The following DNAI7 variants were observed in gnomAD, a reference collection of about 807,000 sequenced individuals.
DNAI7 encodes cancer susceptibility 1.
A neutral mutation model predicts 86.6 loss-of-function variants in DNAI7; 78 were observed. The observed-to-expected ratio is 0.90, with a 90% CI of 0.75 to 1.09. DNAI7 has a LOEUF of 1.09. Ranked by LOEUF, DNAI7 falls within the 50% of genes least tolerant of loss-of-function variation. DNAI7 has a pLI of 0.00. For synonymous variants in DNAI7, 274 were observed against 273.0 expected, an observed-to-expected ratio of 1.00 and a Z score of -0.04; for missense variants, 753 against 810.2, an observed-to-expected ratio of 0.93 and a Z score of 0.86.
At chr12:25,156,301 A>C (rs1946166871) in intron 4 of DNAI7, among the ~76,000 whole-genome samples, 1 of 152,238 alleles carries the variant, frequency 6.6e-6, no homozygotes. Context: ...CTAATTTGGT[A>C]GACATTCTCT....
chr12:25,111,385 G>A (rs1938787036), intron 14 of DNAI7, among the ~76,000 whole-genome samples: 1 of 152,202 alleles, frequency 6.6e-6, no homozygotes, highest in South Asian at 2.1e-4. Context: ...AGTGGGTTTT[G>A]TACATTGGTG....
intron 2 of DNAI7, chr12:25,185,845 A>ATCT: frequency 3.4e-6 from 2 of 592,548 alleles, no homozygotes; most frequent in Non-Finnish European, 4.2e-6. Context: ...CCTTTTGCCC[A>ATCT]TTCATTACAG....
chr12:25,157,777 G>T (rs1243958136), intron 4 of DNAI7, among the ~76,000 whole-genome samples: 2 of 151,894 alleles, frequency 1.3e-5, no homozygotes, highest in Non-Finnish European at 2.9e-5. Flanking sequence ...TGATCTAAAA[G>T]ATTCTAGTGA....
chr12:25,169,847 CAAAAAAAAA>C (rs1173396136), intron 2 of DNAI7, among the ~76,000 whole-genome samples: 1 of 66,710 alleles, frequency 1.5e-5, no homozygotes, highest in Non-Finnish European at 3.8e-5. Context: ...GACTCTGTCT[CAAAAAAAAA>C]AAAAAAAAGA....
intron 12 of DNAI7, among the ~76,000 whole-genome samples, chr12:25,118,120 G>C (rs1940538530): frequency 6.6e-6 from 1 of 151,870 alleles, no homozygotes; most frequent in Non-Finnish European, 1.5e-5. Flanking sequence ...TTTTAGTAGA[G>C]ATGGGGTTTC....
chr12:25,131,944 C>G (rs570599442), intron 9 of DNAI7, among the ~76,000 whole-genome samples: 1 of 152,172 alleles, frequency 6.6e-6, no homozygotes, highest in South Asian at 2.1e-4. Context: ...AATAATTAAA[C>G]AGAATGACAA....
intron 2 of DNAI7, among the ~76,000 whole-genome samples, chr12:25,182,767 T>G (rs1949652674): frequency 6.6e-6 from 1 of 151,336 alleles, no homozygotes; most frequent in African/African-American, 2.4e-5. Flanking sequence ...TAAAAAAAAT[T>G]TTTTTAATTA....
rs1176443392 is a variant in DNAI7 at position 25,108,452 on chromosome 12, A to AAAT, written c.*93_*95dup. ...TAGAAAATTTTTAATAGTTGATTTG[A>AAAT]AATGTATTCATTCACTCATTACATT... is the stretch of plus-strand genomic sequence containing the variant. On this transcript the variant is annotated 3_prime_UTR_variant, in exon 16 of 16. Coordinates refer to ENST00000395987, the MANE Select transcript of DNAI7 (RefSeq NM_018272.5). 3 of 1,012,086 alleles carry AAAT rather than the reference A, an allele frequency of 3.0e-6. No homozygotes were observed. The African/African-American group carries it at 4.9e-5, about 17-fold the overall frequency. The allele number at this position is 1,012,086 out of a possible 1,614,324, so 62.7% of individuals were successfully genotyped here.
Position 25,112,044 on chromosome 12 carries a change from T to G in DNAI7, c.1612-105A>C, listed in dbSNP as rs941313453. On this transcript the variant is annotated intron_variant, in intron 13 of 15. Coordinates refer to ENST00000395987, the MANE Select transcript of DNAI7 (RefSeq NM_018272.5). ...GCTTTATACATTTTTAAAAGTCATC[T>G]ATCACTCTATATTAGAAAGAATGCA... 8.1e-6 allele frequency: 5 copies of G among 614,508 alleles called. No homozygotes were observed. In the African/African-American group the frequency reaches 9.3e-5, roughly 11 times the overall value. 38.1% of individuals were successfully genotyped at this position (614,508 alleles called of 1,614,324 possible). A position where few individuals can be genotyped will look rare whatever the true frequency, so the allele number is the denominator to read the frequency against.
intron 2 of DNAI7, among the ~76,000 whole-genome samples, chr12:25,164,370 CTCTT>C (rs202013009): frequency 0.059 from 8,945 of 152,184 alleles, 352 homozygotes; most frequent in Non-Finnish European, 0.089. Flanking sequence ...TCTCTACTCT[CTCTT>C]TTCTCTGGGC....
At chr12:25,154,546 C>A (rs1289114458) in intron 5 of DNAI7, 90 bp from the exon 6 acceptor site, 14 of 1,303,988 alleles carry the variant, frequency 1.1e-5, no homozygotes, top group Non-Finnish European at 1.5e-5. Flanking sequence ...TTTTTATAAC[C>A]TAGTTTAACC....
chr12:25,127,132 C>A (rs1057219950), intron 9 of DNAI7, among the ~76,000 whole-genome samples: 3 of 152,168 alleles, frequency 2.0e-5, no homozygotes, highest in Admixed American at 6.5e-5. Context: ...TAGAAGGATG[C>A]AGTGAGTCAA....
intron 8 of DNAI7, 127 bp from the exon 9 acceptor site, chr12:25,144,804 T>C (rs752008921): frequency 8.4e-6 from 6 of 712,200 alleles, no homozygotes; most frequent in Non-Finnish European, 1.4e-5. Context: ...TGATCATATG[T>C]GCTTTCTTTG....
intron 2 of DNAI7, among the ~76,000 whole-genome samples, chr12:25,182,053 A>G (rs1320352298): frequency 6.6e-6 from 1 of 150,814 alleles, no homozygotes; most frequent in African/African-American, 2.4e-5. Context: ...TTTTTTTCAA[A>G]GAGACACCTG....
intron 2 of DNAI7, among the ~76,000 whole-genome samples, chr12:25,179,311 T>A (rs34102768): frequency 1.3e-5 from 2 of 152,272 alleles, no homozygotes; most frequent in Admixed American, 1.3e-4. Context: ...TGGGGGAAAA[T>A]GTTTGCGTGC....
At chr12:25,184,977 A>AG (rs1949899803) in intron 2 of DNAI7, among the ~76,000 whole-genome samples, 1 of 150,848 alleles carries the variant, frequency 6.6e-6, no homozygotes, top group South Asian at 2.1e-4. Flanking sequence ...AAAAAAAAAA[A>AG]AAAAAAGAAA....
At chr12:25,160,931 CT>C in intron 3 of DNAI7, 181 bp downstream of exon 3, 1 of 465,192 alleles carries the variant, frequency 2.1e-6, no homozygotes, top group South Asian at 3.4e-5. Flanking sequence ...CAATATATAT[CT>C]GAAAGAGACT....
intron 14 of DNAI7, 85 bp downstream of exon 14, chr12:25,111,687 T>C (rs1027049402): frequency 1.5e-6 from 1 of 688,926 alleles, no homozygotes; most frequent in Non-Finnish European, 2.1e-6. Flanking sequence ...AAATACAGTG[T>C]ATATAATATT....
chr12:25,160,625 GCGCCAGGGATAAGAA>G (rs1022809474), intron 3 of DNAI7, among the ~76,000 whole-genome samples: 7 of 152,194 alleles, frequency 4.6e-5, no homozygotes, highest in Non-Finnish European at 1.0e-4. Context: ...GGGGCCACAG[GCGCCAGGGATAAGAA>G]CCCCTTCCCC....
Sources: allele counts gnomAD v4.1 joint callset (sites outside exome capture counted in the v4.1 genomes callset), GRCh38; gene constraint gnomAD v4.1.1; transcripts MANE v1.5; gene names NCBI Gene and HGNC (gene_info 2026-07-23, HGNC 2026-07-21).